The following CFAP20DC variants were observed in gnomAD, a reference collection of about 807,000 sequenced individuals.
CFAP20DC encodes CFAP20 domain containing, also known as protein CFAP20DC.
In CFAP20DC, 84 loss-of-function variants were observed where a neutral mutation model predicts 101.7. The observed-to-expected ratio is 0.83, with a 90% CI of 0.69 to 0.99. The LOEUF is 0.99. CFAP20DC is among the 50% of genes least tolerant of loss of function. CFAP20DC has a pLI of 0.00. For missense variants in CFAP20DC, 1,007 were observed against 970.3 expected (o/e 1.04, Z -0.50); for synonymous variants, 359 against 351.2 (o/e 1.02, Z -0.25).
chr3:58,857,955 T>A (rs1187699317), intron 12 of CFAP20DC, among the ~76,000 whole-genome samples: 2 of 152,130 alleles, frequency 1.3e-5, no homozygotes, highest in Non-Finnish European at 2.9e-5. Flanking sequence ...CTGGGATGAA[T>A]TTTTTTCTAT....
At chr3:58,815,627 T>C (rs1358445469) in intron 14 of CFAP20DC, among the ~76,000 whole-genome samples, 1 of 151,218 alleles carries the variant, frequency 6.6e-6, no homozygotes, top group Non-Finnish European at 1.5e-5. Flanking sequence ...AGGGCTAATA[T>C]CCAGAATCTA....
intron 15 of CFAP20DC, among the ~76,000 whole-genome samples, chr3:58,768,596 A>C (rs1358554613): frequency 6.6e-6 from 1 of 152,196 alleles, no homozygotes; most frequent in Non-Finnish European, 1.5e-5. Context: ...CTCTTCCTCT[A>C]GCCAATCTGG....
At chr3:59,020,332 A>G (rs960063578) in intron 4 of CFAP20DC, among the ~76,000 whole-genome samples, 1 of 152,080 alleles carries the variant, frequency 6.6e-6, no homozygotes, top group Non-Finnish European at 1.5e-5. Context: ...AAGTATGAGT[A>G]TATCTTATAG....
rs1412880094 is a variant in CFAP20DC, at chr3:58,799,866, GA to G, written c.2237+6528del. ...GGTGACTGAGGGCTATTTTAGGGTG[GA>G]CACTAAGAAAGGGCCTCCTGAGGAG... On this transcript the variant is annotated intron_variant, in intron 15 of 16. Coordinates refer to ENST00000482387, the MANE Select transcript of CFAP20DC (RefSeq NM_001394063.1). The surrounding 1 kb of genome is among the most constrained non-coding windows in gnomAD (Gnocchi z 4.9). 6.6e-6 allele frequency among the ~76,000 whole-genome samples: 1 copy of G among 152,082 alleles called. No individual in the cohort carries two copies. The highest frequency in any genetic ancestry group is 2.4e-5 in the African/African-American group (1 of 41,402).
chr3:59,003,035 GC>G (rs2093350285), intron 4 of CFAP20DC, among the ~76,000 whole-genome samples: 1 of 152,028 alleles, frequency 6.6e-6, no homozygotes, highest in Non-Finnish European at 1.5e-5. Flanking sequence ...TATTTTATAA[GC>G]GTTTCAAGAG....
chr3:58,931,067 G>A (rs1344683149), intron 5 of CFAP20DC, among the ~76,000 whole-genome samples: 9 of 152,274 alleles, frequency 5.9e-5, no homozygotes, highest in Admixed American at 1.3e-4. Flanking sequence ...ACTCCCACCC[G>A]AATACTGCGC....
intron 6 of CFAP20DC, among the ~76,000 whole-genome samples, chr3:58,905,052 C>T (rs1035724757): frequency 2.2e-4 from 33 of 152,110 alleles, no homozygotes; most frequent in Non-Finnish European, 2.4e-4. Context: ...CCTTCCAGGG[C>T]CTCTTAGTCT....
intron 4 of CFAP20DC, among the ~76,000 whole-genome samples, chr3:58,977,983 T>C (rs1374140783): frequency 6.6e-6 from 1 of 152,068 alleles, no homozygotes; most frequent in Non-Finnish European, 1.5e-5. Flanking sequence ...AGCCCCTTCC[T>C]CTCAGGAACT....
intron 4 of CFAP20DC, among the ~76,000 whole-genome samples, chr3:58,943,529 T>A (rs1273261667): frequency 6.6e-6 from 1 of 152,040 alleles, no homozygotes; most frequent in African/African-American, 2.4e-5. Flanking sequence ...AGAATCAACA[T>A]GAATGAAAAG....
In CFAP20DC at chr3:58,908,945, G is replaced by T. The variant is rs1156764818; in HGVS notation, c.550+4763C>A. Among the ~76,000 whole-genome samples, 5 of 152,068 alleles carry T rather than the reference G, an allele frequency of 3.3e-5. No homozygotes were observed. In the East Asian group the frequency reaches 9.6e-4, roughly 29 times the overall value. On this transcript the variant is annotated intron_variant, in intron 6 of 16. Transcript: ENST00000482387. ...CTTTTAACTATGACATTCTGGAGAA[G>T]GAAAATTAGGAAGACAATTTAAAAA...
rs1287724732 is a variant in CFAP20DC, at chr3:58,863,111, A to T, written c.1593+447T>A. On this transcript the variant is annotated intron_variant, in intron 12 of 16. Coordinates refer to ENST00000482387, the MANE Select transcript of CFAP20DC (RefSeq NM_001394063.1). This position sits in a 1 kb window ranked among gnomAD's most constrained non-coding sequence, Gnocchi z 5.9. ...TTCTGGGACCATATGGAAAATAATG[A>T]GTCCTAATAGGTCTAAGGTGAAAAG... is the stretch of plus-strand genomic sequence containing the variant. The T allele has an allele frequency of 9.9e-7, 1 of 1,008,544 alleles. No homozygotes were observed. The highest frequency in any genetic ancestry group is 5.8e-5 in the Admixed American group (1 of 17,326). The allele number at this position is 1,008,544 out of a possible 1,614,324, so 62.5% of individuals were successfully genotyped here.
At chr3:58,797,526 T>C (rs935584664) in intron 15 of CFAP20DC, among the ~76,000 whole-genome samples, 1 of 152,174 alleles carries the variant, frequency 6.6e-6, no homozygotes, top group African/African-American at 2.4e-5. Flanking sequence ...AAAGAAGCCA[T>C]CTCGGTAACA....
At position 58,886,922 on chromosome 3, in the gene CFAP20DC, T is replaced by C. The variant is rs116153840; in HGVS notation, c.551-2213A>G. On this transcript the variant is annotated intron_variant, in intron 6 of 16. Transcript: ENST00000482387. ...TTTTGTGTGTATATATGTGACTGTATGTAGTCAGGAAAATTCAACCAATCA... is the reference window on the plus strand; with the variant it reads ...TTTTGTGTGTATATATGTGACTGTACGTAGTCAGGAAAATTCAACCAATCA... Among the ~76,000 whole-genome samples, 1,163 of 152,292 alleles carry C rather than the reference T, an allele frequency of 7.6e-3. 14 individuals carry two copies. Among genetic ancestry groups the C allele is most frequent in the African/African-American group, 0.026 (1,075 of 41,554 alleles).
At position 58,870,328 on chromosome 3, in the gene CFAP20DC, G is replaced by A. The variant is rs2080051377; in HGVS notation, c.716-19C>T. On this transcript the variant is annotated intron_variant, in intron 7 of 16. Transcript: ENST00000482387. ...AACTGATCTGTTTTGTTAAAGGAAG[G>A]TAATAATAGTCCATTAATGGGTGTA... 6.2e-7 allele frequency: 1 copy of A among 1,609,528 alleles called. No individual in the cohort carries two copies. Among genetic ancestry groups the A allele is most frequent in the South Asian group, 1.1e-5 (1 of 90,834 alleles).
rs977437926 is a variant in CFAP20DC at position 58,724,248 on chromosome 3, G to A, written c.198-6620C>T. On this transcript the variant is annotated intron_variant, in intron 3 of 3. Transcript: ENST00000486145. The surrounding 1 kb of genome is among the most constrained non-coding windows in gnomAD (Gnocchi z 5.6). ...TGGAAAATCACCATGGGGAAGAGAC[G>A]TGCAAGGTGACTAAAATCTTGGGAG... is the stretch of plus-strand genomic sequence containing the variant. Among the ~76,000 whole-genome samples, 1 of 152,168 alleles carries A rather than the reference G, an allele frequency of 6.6e-6. No homozygotes were observed. Among genetic ancestry groups the A allele is most frequent in the Non-Finnish European group, 1.5e-5 (1 of 68,032 alleles).
At chr3:58,880,538 G>A (rs2081156205) in intron 7 of CFAP20DC, among the ~76,000 whole-genome samples, 1 of 152,088 alleles carries the variant, frequency 6.6e-6, no homozygotes, top group Non-Finnish European at 1.5e-5. Flanking sequence ...AAATAGGTAT[G>A]AGTCAATCCT....
intron 4 of CFAP20DC, among the ~76,000 whole-genome samples, chr3:59,004,974 A>G (rs887054864): frequency 6.6e-6 from 1 of 152,070 alleles, no homozygotes; most frequent in African/African-American, 2.4e-5. Flanking sequence ...GATAGCCCTG[A>G]TTTTTTACCC....
At chr3:58,909,341 A>G (rs1278970878) in intron 6 of CFAP20DC, among the ~76,000 whole-genome samples, 1 of 152,148 alleles carries the variant, frequency 6.6e-6, no homozygotes, top group African/African-American at 2.4e-5. Context: ...CTTAAAAAAA[A>G]AGTTGTGCAT....
chr3:59,042,033 A>G (rs1416802227), intron 3 of CFAP20DC, among the ~76,000 whole-genome samples: 1 of 152,134 alleles, frequency 6.6e-6, no homozygotes, highest in Non-Finnish European at 1.5e-5. Flanking sequence ...TCAGGGTGCT[A>G]TGAAAGCATA....
Sources: gnomAD v4.1 joint callset for allele counts (sites outside exome capture counted in the v4.1 genomes callset) on GRCh38, gnomAD v4.1.1 for gene constraint, Gnocchi (gnomAD v3.1) non-coding constraint, MANE v1.5 for transcripts, NCBI Gene and HGNC (gene_info 2026-07-23, HGNC 2026-07-21) for gene names.